ZBTB7C: variants seen among roughly 807,000 people sequenced by gnomAD.
ZBTB7C encodes the protein zinc finger and BTB domain-containing protein 7C.
Under a neutral mutation model 25.7 loss-of-function variants are expected in ZBTB7C, and 8 were observed. That is an observed-to-expected ratio of 0.31 (90% CI 0.18 to 0.56). ZBTB7C has a LOEUF of 0.56. Ranked by LOEUF, ZBTB7C falls within the 20% of genes least tolerant of loss-of-function variation. The pLI is 0.91. For missense variants in ZBTB7C, 824 were observed against 855.2 expected (o/e 0.96, Z 0.46); for synonymous variants, 394 against 369.0 (o/e 1.07, Z -0.78).
At chr18:48,156,090 C>G (rs962759976) in intron 3 of ZBTB7C, among the ~76,000 whole-genome samples, 1 of 152,182 alleles carries the variant, frequency 6.6e-6, no homozygotes, top group African/African-American at 2.4e-5. Flanking sequence ...TTATAACCCA[C>G]CTTGTTCCCA....
intron 3 of ZBTB7C, among the ~76,000 whole-genome samples, chr18:48,123,083 G>A (rs979998464): frequency 6.6e-6 from 1 of 152,118 alleles, no homozygotes; most frequent in Non-Finnish European, 1.5e-5. Context: ...TGGGTACCTG[G>A]GTGAGCTGCC....
rs1198791490 is a variant in ZBTB7C at position 48,040,205 on chromosome 18, T to A, written c.903A>T (p.Pro301=). ...EEEKEELPPP[P]PPPFPNDFFK... is the part of the protein sequence containing the mutation. The stretch of plus-strand genomic sequence containing the variant: ...AGAAGTCATTAGGGAAGGGTGGCGG[T>A]GGGGGTGGGGGCAGCTCCTCCTTCT... Residue 301 remains proline (P), a synonymous_variant, in exon 4 of 5, where the codon CCA becomes CCT. Transcript: ENST00000590800. 1 of 1,569,628 alleles carries A rather than the reference T, an allele frequency of 6.4e-7. No individual in the cohort carries two copies. Among genetic ancestry groups the A allele is most frequent in the Admixed American group, 1.8e-5 (1 of 54,058 alleles).
intron 2 of ZBTB7C, among the ~76,000 whole-genome samples, chr18:48,251,971 T>C (rs994358583): frequency 2.0e-5 from 3 of 152,248 alleles, no homozygotes; most frequent in Non-Finnish European, 2.9e-5. Context: ...TCAATTTCTC[T>C]GGTGTGAGAT....
intron 3 of ZBTB7C, among the ~76,000 whole-genome samples, chr18:48,124,597 T>C (rs2039738521): frequency 6.6e-6 from 1 of 152,078 alleles, no homozygotes; most frequent in African/African-American, 2.4e-5. Context: ...GGTTTGGAGA[T>C]GGTGGGCTGA....
intron 2 of ZBTB7C, among the ~76,000 whole-genome samples, chr18:48,293,569 A>T (rs180967540): frequency 6.6e-6 from 1 of 152,178 alleles, no homozygotes; most frequent in African/African-American, 2.4e-5. Flanking sequence ...ATAAACTTCA[A>T]AATGGCTCCC....
chr18:48,257,696 TAAAATATCA>T (rs1323744970), intron 2 of ZBTB7C, among the ~76,000 whole-genome samples: 1 of 151,602 alleles, frequency 6.6e-6, no homozygotes, highest in Non-Finnish European at 1.5e-5. Context: ...TTTAAAAGGA[TAAAATATCA>T]GGACTAAGTG....
intron 3 of ZBTB7C, among the ~76,000 whole-genome samples, chr18:48,098,314 G>T (rs1449305723): frequency 2.0e-5 from 3 of 152,216 alleles, no homozygotes; most frequent in Non-Finnish European, 2.9e-5. Context: ...CATTCTTGGT[G>T]TCTTCCTAAT....
chr18:48,099,576 C>T (rs868135073), intron 3 of ZBTB7C, among the ~76,000 whole-genome samples: 6 of 152,328 alleles, frequency 3.9e-5, no homozygotes, highest in South Asian at 2.1e-4. Context: ...CTACCAAAGG[C>T]GTGTGAGAGG....
chr18:48,185,300 G>A, intron 3 of ZBTB7C: 1 of 445,694 alleles, frequency 2.2e-6, no homozygotes, highest in Admixed American at 2.5e-5. Context: ...CCCGGGCCAT[G>A]CCAGCCAGAG....
At chr18:48,110,129 G>A (rs1360925697) in intron 3 of ZBTB7C, among the ~76,000 whole-genome samples, 1 of 152,202 alleles carries the variant, frequency 6.6e-6, no homozygotes, top group African/African-American at 2.4e-5. Flanking sequence ...TATGACCATT[G>A]TCATCACCCA....
intron 2 of ZBTB7C, among the ~76,000 whole-genome samples, chr18:48,289,761 C>T (rs574852542): frequency 2.8e-4 from 43 of 152,064 alleles, no homozygotes; most frequent in African/African-American, 8.4e-4. Flanking sequence ...GTCCTATATG[C>T]GCCCAGGTAC....
chr18:48,202,009 C>T (rs1007688874), intron 2 of ZBTB7C, among the ~76,000 whole-genome samples: 4 of 152,222 alleles, frequency 2.6e-5, no homozygotes, highest in Non-Finnish European at 4.4e-5. Context: ...ATCCCAGAGG[C>T]GAACTGGCTT....
rs61132755 is a variant in ZBTB7C, at chr18:48,284,791, C to CA, written c.-79+53382dup. Among the ~76,000 whole-genome samples the CA allele has an allele frequency of 2.0e-3, 186 of 93,052 alleles. 1 individual carries two copies. The highest frequency in any genetic ancestry group is 5.2e-3 in the African/African-American group (130 of 24,902). The allele number at this position is 93,052 out of a possible 152,430, so 61.0% of individuals were successfully genotyped here. A position where few individuals can be genotyped will look rare whatever the true frequency, so the allele number is the denominator to read the frequency against. ...AGGAAACAGAGTGAGACTCGGTCTC[C>CA]AAAAAAAAAAAAAAAAAAAACAGAG... On this transcript the variant is annotated intron_variant, in intron 2 of 4. Coordinates refer to ENST00000590800, the MANE Select transcript of ZBTB7C (RefSeq NM_001318841.2).
intron 2 of ZBTB7C, among the ~76,000 whole-genome samples, chr18:48,337,391 C>T (rs908070909): frequency 2.0e-5 from 3 of 152,220 alleles, no homozygotes; most frequent in African/African-American, 7.2e-5. Flanking sequence ...TGGGAACAGG[C>T]TGTGCCATTG....
chr18:48,397,553 A>G (rs957628475), intron 1 of ZBTB7C, among the ~76,000 whole-genome samples: 1 of 152,180 alleles, frequency 6.6e-6, no homozygotes, highest in African/African-American at 2.4e-5. Context: ...GAATAATAAC[A>G]TTAAATTGAA....
intron 1 of ZBTB7C, among the ~76,000 whole-genome samples, chr18:48,345,926 G>T (rs1040179183): frequency 6.6e-6 from 1 of 152,080 alleles, no homozygotes; most frequent in African/African-American, 2.4e-5. Flanking sequence ...GGATCTCTTG[G>T]TCCTATCTGG....
intron 2 of ZBTB7C, among the ~76,000 whole-genome samples, chr18:48,223,531 C>T (rs887865894): frequency 1.3e-5 from 2 of 152,190 alleles, no homozygotes; most frequent in African/African-American, 4.8e-5. Flanking sequence ...TACTTAAGCA[C>T]CTTACAATGG....
chr18:48,335,935 G>T (rs909078213), intron 2 of ZBTB7C, among the ~76,000 whole-genome samples: 8 of 152,152 alleles, frequency 5.3e-5, no homozygotes, highest in Admixed American at 2.6e-4. Flanking sequence ...CACGTGGCTT[G>T]CATCTGAAGC....
chr18:48,240,702 AT>A (rs1362796505), intron 2 of ZBTB7C, among the ~76,000 whole-genome samples: 1 of 152,234 alleles, frequency 6.6e-6, no homozygotes, highest in Non-Finnish European at 1.5e-5. Context: ...GGAGTTCTAA[AT>A]CTTGAAACAA....
Sources: gnomAD v4.1 joint callset for allele counts (sites outside exome capture counted in the v4.1 genomes callset) on GRCh38, gnomAD v4.1.1 for gene constraint, MANE v1.5 for transcripts, NCBI Gene and HGNC (gene_info 2026-07-23, HGNC 2026-07-21) for gene names.